The following NTRK2 variants were observed in gnomAD, a reference collection of about 807,000 sequenced individuals.
The protein encoded by NTRK2 is neurotrophic receptor tyrosine kinase 2.
In NTRK2, 13 loss-of-function variants were observed where a neutral mutation model predicts 94.5. The observed-to-expected ratio is 0.14, with a 90% CI of 0.09 to 0.22. The LOEUF (loss-of-function observed/expected upper bound fraction) is 0.22, where lower values mean the gene tolerates loss of function less well. NTRK2 is among the 10% of genes least tolerant of loss of function. The pLI is 1.00. For missense variants in NTRK2, 639 were observed against 1,071.2 expected, an observed-to-expected ratio of 0.60 and a Z score of 5.63; for synonymous variants, 372 against 407.4, an observed-to-expected ratio of 0.91 and a Z score of 1.05.
intron 14 of NTRK2, among the ~76,000 whole-genome samples, chr9:84,880,584 T>G (rs528056080): frequency 9.8e-5 from 15 of 152,324 alleles, no homozygotes; most frequent in African/African-American, 3.6e-4. Flanking sequence ...AAAACAAGAG[T>G]TGGCATTCAT....
In NTRK2 at chr9:84,814,889, C is replaced by A; in HGVS notation, c.1397-46151C>A. 3.8e-6 allele frequency: 4 copies of A among 1,061,742 alleles called. No homozygotes were observed. The South Asian group carries it at 1.8e-4, about 48-fold the overall frequency. The allele number at this position is 1,061,742 out of a possible 1,614,324, so 65.8% of individuals were successfully genotyped here. On this transcript the variant is annotated intron_variant, in intron 12 of 18. Coordinates refer to ENST00000277120, the MANE Select transcript of NTRK2 (RefSeq NM_006180.6). ...TGACTTGACTCCAAGGAAATTAGTA[C>A]AGAAGTAACCACTCTATTAAGTGTG...
At chr9:85,001,902 G>T (rs1463533129) in intron 17 of NTRK2, among the ~76,000 whole-genome samples, 5 of 152,174 alleles carry the variant, frequency 3.3e-5, no homozygotes, top group South Asian at 2.1e-4. Flanking sequence ...GGCAGGGAGG[G>T]GACAATTGAA....
At chr9:84,749,182 C>T (rs1268574212) in intron 11 of NTRK2, among the ~76,000 whole-genome samples, 1 of 151,924 alleles carries the variant, frequency 6.6e-6, no homozygotes, top group Non-Finnish European at 1.5e-5. Flanking sequence ...GAGCCAAGAT[C>T]GCACCATTGC....
intron 12 of NTRK2, among the ~76,000 whole-genome samples, chr9:84,821,285 C>CGA (rs145312218): frequency 6.7e-6 from 1 of 149,756 alleles, no homozygotes; most frequent in East Asian, 2.0e-4. Context: ...TGTGTGTGTG[C>CGA]GAGAGAGAGA....
chr9:84,860,366 A>G (rs943761292), intron 12 of NTRK2, among the ~76,000 whole-genome samples: 1 of 152,128 alleles, frequency 6.6e-6, no homozygotes, highest in African/African-American at 2.4e-5. Flanking sequence ...TGCCTACTGG[A>G]CCTTGTGTTC....
intron 16 of NTRK2, among the ~76,000 whole-genome samples, chr9:84,950,158 G>A (rs1048056419): frequency 3.3e-5 from 5 of 152,164 alleles, no homozygotes; most frequent in Non-Finnish European, 7.3e-5. Context: ...GAGCGAATGG[G>A]GAACGTTCAA....
In NTRK2 at chr9:84,934,256, C is replaced by G. The variant is rs2132720363; in HGVS notation, c.1728C>G (p.Leu576=). 6.2e-7 allele frequency: 1 copy of G among 1,613,918 alleles called. No individual in the cohort carries two copies. The highest frequency in any genetic ancestry group is 1.1e-5 in the South Asian group (1 of 91,056). Reference sequence around the variant, plus strand: ...TGTTCCTAGCTGAATGCTATAACCTCTGTCCTGAGCAGGACAAGATCTTGG... The same window carrying G: ...TGTTCCTAGCTGAATGCTATAACCTGTGTCCTGAGCAGGACAAGATCTTGG... ...GKVFLAECYN[L]CPEQDKILVA... is the part of the protein sequence containing the mutation. The change falls in exon 15 of 19, where the codon CTC becomes CTG. Residue 576 remains leucine, a synonymous_variant. Coordinates refer to ENST00000277120, the MANE Select transcript of NTRK2 (RefSeq NM_006180.6).
chr9:85,007,896 G>A (rs1170408112), intron 17 of NTRK2, among the ~76,000 whole-genome samples: 1 of 152,146 alleles, frequency 6.6e-6, no homozygotes. Flanking sequence ...GTAGCTAGAT[G>A]TTAAACATTA....
At chr9:85,015,676 C>T (rs1489751296) in intron 17 of NTRK2, among the ~76,000 whole-genome samples, 2 of 152,146 alleles carry the variant, frequency 1.3e-5, no homozygotes, top group Admixed American at 6.5e-5. Context: ...CAGAGCTACA[C>T]GAAGAGCACT....
chr9:84,782,969 T>C (rs1345719145), intron 12 of NTRK2, among the ~76,000 whole-genome samples: 1 of 152,152 alleles, frequency 6.6e-6, no homozygotes, highest in East Asian at 1.9e-4. Flanking sequence ...AGAAGTGTAA[T>C]ATACAATACT....
At chr9:84,761,913 C>T (rs977764888) in intron 12 of NTRK2, among the ~76,000 whole-genome samples, 6 of 152,128 alleles carry the variant, frequency 3.9e-5, no homozygotes, top group Non-Finnish European at 8.8e-5. Flanking sequence ...TTGCATCTCC[C>T]ATAATTCTCA....
At chr9:84,680,947 T>G (rs2059353130) in intron 2 of NTRK2, among the ~76,000 whole-genome samples, 1 of 152,148 alleles carries the variant, frequency 6.6e-6, no homozygotes, top group Middle Eastern at 3.2e-3. Context: ...TTTTCTTGTT[T>G]TCCCTCTATC....
At chr9:84,684,675 CT>C (rs750595849) in intron 2 of NTRK2, among the ~76,000 whole-genome samples, 19 of 152,152 alleles carry the variant, frequency 1.2e-4, no homozygotes, top group Non-Finnish European at 2.8e-4. Context: ...GTTATCAAAC[CT>C]TTTGTCCTTT....
intron 14 of NTRK2, chr9:84,873,981 T>A (rs1052720288): frequency 9.4e-7 from 1 of 1,063,336 alleles, no homozygotes; most frequent in African/African-American, 1.6e-5. Flanking sequence ...CCTGCACATA[T>A]CAGACATTTC....
intron 12 of NTRK2, among the ~76,000 whole-genome samples, chr9:84,761,260 C>A (rs77610481): frequency 0.019 from 2,819 of 152,156 alleles, 84 homozygotes; most frequent in African/African-American, 0.064. Context: ...TCATCTCTGT[C>A]TTCAGCGACA....
At chr9:84,948,681 G>C (rs1387799517) in intron 16 of NTRK2, 47 bp downstream of exon 16, 2 of 1,587,214 alleles carry the variant, frequency 1.3e-6, no homozygotes, top group Non-Finnish European at 1.7e-6. Context: ...CAGGCCTTCA[G>C]GGTTCAGGAG....
chr9:84,971,196 C>G (rs1251043274), intron 17 of NTRK2, among the ~76,000 whole-genome samples: 1 of 152,178 alleles, frequency 6.6e-6, no homozygotes, highest in Non-Finnish European at 1.5e-5. Context: ...AATTATGTAG[C>G]TAATTCATTT....
chr9:84,784,415 C>T (rs2067920320), intron 12 of NTRK2, among the ~76,000 whole-genome samples: 1 of 152,164 alleles, frequency 6.6e-6, no homozygotes, highest in Non-Finnish European at 1.5e-5. Context: ...CCTTTCTTTG[C>T]TGGCTTTCCA....
chr9:84,803,648 G>C (rs1182202111), intron 12 of NTRK2, among the ~76,000 whole-genome samples: 1 of 152,142 alleles, frequency 6.6e-6, no homozygotes, highest in African/African-American at 2.4e-5. Context: ...TCACCTTGTG[G>C]GCTCCAGATC....
Sources: gnomAD v4.1 joint callset for allele counts (sites outside exome capture counted in the v4.1 genomes callset) on GRCh38, gnomAD v4.1.1 for gene constraint, MANE v1.5 for transcripts, NCBI Gene and HGNC (gene_info 2026-07-23, HGNC 2026-07-21) for gene names.